XYLB: variants seen among roughly 807,000 people sequenced by gnomAD.
XYLB encodes the protein xylulose kinase.
XYLB carries 62 observed loss-of-function variants against 78.7 expected under a neutral mutation model. That is an observed-to-expected ratio of 0.79 (90% CI 0.64 to 0.97). XYLB has a LOEUF of 0.97. Among genes scored for constraint, XYLB ranks in the 50% least tolerant of loss-of-function variants. XYLB has a pLI of 0.00. For synonymous variants in XYLB, 245 were observed against 247.4 expected (o/e 0.99, Z 0.09); for missense variants, 687 against 676.8 (o/e 1.02, Z -0.17).
At chr3:38,407,519 A>G (rs1472424024) in intron 18 of XYLB, among the ~76,000 whole-genome samples, 2 of 151,656 alleles carry the variant, frequency 1.3e-5, no homozygotes, top group Non-Finnish European at 3.0e-5. Flanking sequence ...ACAGGATCAA[A>G]TTCACACATA....
At chr3:38,348,877 A>G (rs1357763014) in intron 2 of XYLB, among the ~76,000 whole-genome samples, 2 of 152,198 alleles carry the variant, frequency 1.3e-5, no homozygotes, top group African/African-American at 4.8e-5. Flanking sequence ...AGGTGCTAGG[A>G]CCTGATGGCG....
intron 2 of XYLB, among the ~76,000 whole-genome samples, chr3:38,349,819 G>A (rs1282541521): frequency 6.6e-6 from 1 of 152,194 alleles, no homozygotes; most frequent in African/African-American, 2.4e-5. Flanking sequence ...CTCTCTTGCT[G>A]TGTCTTCACA....
chr3:38,400,861 C>T (rs765522877), intron 17 of XYLB, 30 bp from the exon 18 acceptor site: 6 of 1,589,302 alleles, frequency 3.8e-6, no homozygotes, highest in Non-Finnish European at 4.3e-6. Flanking sequence ...TTGCAACATG[C>T]ACTAATGTGA....
At chr3:38,398,895 G>A (rs1252688840) in intron 17 of XYLB, among the ~76,000 whole-genome samples, 1 of 150,460 alleles carries the variant, frequency 6.6e-6, no homozygotes, top group East Asian at 2.0e-4. Flanking sequence ...AGCTGGGCAT[G>A]GTGGCGCACG....
At chr3:38,416,535 A>G (rs148154981), downstream of XYLB, among the ~76,000 whole-genome samples, 1,063 of 152,336 alleles carry the variant, frequency 7.0e-3, 8 homozygotes, top group African/African-American at 0.025. Flanking sequence ...TAAAAGGAAT[A>G]TCAGATTGGC....
At chr3:38,376,798 G>T in intron 13 of XYLB, 120 bp from the exon 14 acceptor site, 3 of 731,126 alleles carry the variant, frequency 4.1e-6, no homozygotes, top group Non-Finnish European at 7.0e-6. Context: ...TCATCTGGGG[G>T]ATGAAAGAGC....
the XYLB span, among the ~76,000 whole-genome samples, chr3:38,450,800 C>T: frequency 1.4e-3 from 218 of 152,260 alleles, no homozygotes; most frequent in African/African-American, 4.9e-3. Context: ...ATTCAGAGGA[C>T]CAGTTAAGCT....
At chr3:38,395,242 C>T (rs1173230375) in intron 15 of XYLB, among the ~76,000 whole-genome samples, 1 of 152,150 alleles carries the variant, frequency 6.6e-6, no homozygotes, top group Non-Finnish European at 1.5e-5. Flanking sequence ...AGGAAGTTCC[C>T]TTCTCCTGTT....
At chr3:38,388,296 A>G (rs1221213239) in intron 15 of XYLB, among the ~76,000 whole-genome samples, 1 of 151,910 alleles carries the variant, frequency 6.6e-6, no homozygotes, top group Non-Finnish European at 1.5e-5. Flanking sequence ...GTACAGGAAC[A>G]TATTCAAGAG....
At chr3:38,426,165 C>A (rs1353942726), downstream of XYLB, among the ~76,000 whole-genome samples, 1 of 152,182 alleles carries the variant, frequency 6.6e-6, no homozygotes, top group African/African-American at 2.4e-5. Context: ...AAACAGCAGA[C>A]TATGTAAATA....
In XYLB at chr3:38,367,901, C is replaced by T. The variant is rs190153038; in HGVS notation, c.574-284C>T. Among the ~76,000 whole-genome samples, 459 of 152,292 alleles carry T rather than the reference C, an allele frequency of 3.0e-3. 3 individuals are homozygous for T. The highest frequency in any genetic ancestry group is 0.01 in the African/African-American group (436 of 41,552). Reference sequence around the variant, plus strand: ...GGATTCCGGATGGAAATGCAGCTTCCCTAAGCCCTTTCTCATAGGGCTTTT... The same window carrying T: ...GGATTCCGGATGGAAATGCAGCTTCTCTAAGCCCTTTCTCATAGGGCTTTT... On this transcript the variant is annotated intron_variant, in intron 7 of 18. Coordinates refer to ENST00000207870, the MANE Select transcript of XYLB (RefSeq NM_005108.4).
intron 6 of XYLB, among the ~76,000 whole-genome samples, chr3:38,366,391 G>A (rs771507472): frequency 7.2e-5 from 11 of 152,108 alleles, no homozygotes; most frequent in Admixed American, 5.9e-4. Flanking sequence ...ATGTGGGAGA[G>A]GCCCTCCAGG....
chr3:38,356,021 G>T, intron 2 of XYLB: 1 of 477,090 alleles, frequency 2.1e-6, no homozygotes, highest in African/African-American at 1.9e-5. Context: ...GATTACAGAG[G>T]CGGGCACATC....
At chr3:38,408,459 A>G (rs1708425925) in intron 18 of XYLB, among the ~76,000 whole-genome samples, 1 of 150,812 alleles carries the variant, frequency 6.6e-6, no homozygotes, top group Non-Finnish European at 1.5e-5. Context: ...ACACCCTAAC[A>G]TCACAATTAA....
chr3:38,394,057 A>G (rs986230956), intron 15 of XYLB, among the ~76,000 whole-genome samples: 1 of 152,214 alleles, frequency 6.6e-6, no homozygotes, highest in Non-Finnish European at 1.5e-5. Context: ...CTAGTTCCTT[A>G]AAAGAGTCCA....
chr3:38,378,245 A>G (rs895232416), intron 14 of XYLB, among the ~76,000 whole-genome samples: 2 of 152,258 alleles, frequency 1.3e-5, no homozygotes, highest in East Asian at 3.8e-4. Context: ...TCTTTCATGC[A>G]TATCAATCCT....
chr3:38,386,887 A>ATGTT (rs1366067977), intron 15 of XYLB, among the ~76,000 whole-genome samples: 1 of 152,182 alleles, frequency 6.6e-6, no homozygotes. Flanking sequence ...TATTAAAATA[A>ATGTT]TGTTTTCTGC....
At chr3:38,382,907 A>G (rs564123287) in intron 15 of XYLB, among the ~76,000 whole-genome samples, 1 of 152,328 alleles carries the variant, frequency 6.6e-6, no homozygotes, top group African/African-American at 2.4e-5. Flanking sequence ...CTGCTGAGTG[A>G]TCACTTAAAT....
At chr3:38,376,023 C>A in intron 12 of XYLB, 94 bp from the exon 13 acceptor site, 1 of 846,958 alleles carries the variant, frequency 1.2e-6, no homozygotes, top group Non-Finnish European at 2.0e-6. Context: ...CCAGCCTGAC[C>A]TGCAGTTCCT....
Sources: allele counts gnomAD v4.1 joint callset (sites outside exome capture counted in the v4.1 genomes callset), GRCh38; gene constraint gnomAD v4.1.1; transcripts MANE v1.5; gene names NCBI Gene and HGNC (gene_info 2026-07-23, HGNC 2026-07-21).